The following CAST variants were observed in gnomAD, a reference collection of about 807,000 sequenced individuals.
The protein encoded by CAST is MIR583 host.
In CAST, 76 loss-of-function variants were observed where a neutral mutation model predicts 119.6. The observed-to-expected ratio is 0.64, with a 90% CI of 0.53 to 0.77. The LOEUF is 0.77. Ranked by LOEUF, CAST falls within the 30% of genes least tolerant of loss-of-function variation. The probability of loss-of-function intolerance (pLI) is 0.00; values close to 1 mark genes in which losing one functional copy is unlikely to be tolerated. For missense variants in CAST, 953 were observed against 946.5 expected, an observed-to-expected ratio of 1.01 and a Z score of -0.09; for synonymous variants, 319 against 331.6, an observed-to-expected ratio of 0.96 and a Z score of 0.41.
chr5:96,764,102 C>T (rs887390257), intron 25 of CAST, among the ~76,000 whole-genome samples: 5 of 152,092 alleles, frequency 3.3e-5, no homozygotes, highest in African/African-American at 9.7e-5. Context: ...GTGTCTTATA[C>T]AATGTAGATA....
chr5:96,399,189 A>G, the CAST span, among the ~76,000 whole-genome samples: 242 of 152,364 alleles, frequency 1.6e-3, no homozygotes, highest in Non-Finnish European at 2.3e-3. Flanking sequence ...TTATGTATAC[A>G]TGAATTTTAA....
chr5:96,514,624 C>A, the CAST span, among the ~76,000 whole-genome samples: 1 of 152,104 alleles, frequency 6.6e-6, no homozygotes, highest in South Asian at 2.1e-4. Flanking sequence ...TAACCCCCAC[C>A]CTTAACCCAG....
chr5:96,460,686 T>C, the CAST span, among the ~76,000 whole-genome samples: 1 of 152,142 alleles, frequency 6.6e-6, no homozygotes, highest in Non-Finnish European at 1.5e-5. Context: ...GAAGAAATCA[T>C]GCTTGCATAA....
the CAST span, among the ~76,000 whole-genome samples, chr5:96,466,263 T>C: frequency 0.34 from 52,362 of 151,950 alleles, 9,302 homozygotes; most frequent in Middle Eastern, 0.45. Flanking sequence ...ACTGGGATTA[T>C]ATTGTTGATT....
chr5:96,517,396 C>T, the CAST span, among the ~76,000 whole-genome samples: 1,057 of 152,172 alleles, frequency 6.9e-3, 23 homozygotes, highest in African/African-American at 0.024. Flanking sequence ...AATCAGGAGA[C>T]GTTTCAAATA....
chr5:96,103,147 AT>A, the CAST span, among the ~76,000 whole-genome samples: 1 of 152,122 alleles, frequency 6.6e-6, no homozygotes, highest in Non-Finnish European at 1.5e-5. Context: ...GGGCAGAAAT[AT>A]TTTCAGATAT....
chr5:96,748,294 A>G (rs1764206870), intron 18 of CAST, among the ~76,000 whole-genome samples: 1 of 152,166 alleles, frequency 6.6e-6, no homozygotes, highest in Non-Finnish European at 1.5e-5. Context: ...GACCAAATAA[A>G]CCATTAATAC....
chr5:96,235,211 A>T, the CAST span, among the ~76,000 whole-genome samples: 1 of 152,158 alleles, frequency 6.6e-6, no homozygotes, highest in Admixed American at 6.5e-5. Flanking sequence ...TTTCTAGTCT[A>T]AGTCTGCCTT....
the CAST span, among the ~76,000 whole-genome samples, chr5:96,347,443 C>G: frequency 9.9e-5 from 15 of 152,264 alleles, no homozygotes; most frequent in Non-Finnish European, 1.8e-4. Flanking sequence ...CAGGTGCACT[C>G]CTGTTCAAAG....
chr5:96,757,166 C>T (rs1366179802), intron 22 of CAST, among the ~76,000 whole-genome samples: 1 of 152,176 alleles, frequency 6.6e-6, no homozygotes, highest in Non-Finnish European at 1.5e-5. Flanking sequence ...TCACGTTTTC[C>T]TGCTGTGATA....
the CAST span, among the ~76,000 whole-genome samples, chr5:96,513,071 T>G: frequency 6.6e-6 from 1 of 152,222 alleles, no homozygotes; most frequent in Non-Finnish European, 1.5e-5. Context: ...ATCACTCATT[T>G]GGGTCCTGAT....
intron 9 of CAST, 125 bp from the exon 10 acceptor site, chr5:96,736,047 C>A: frequency 1.6e-6 from 1 of 615,674 alleles, no homozygotes; most frequent in Non-Finnish European, 2.8e-6. Flanking sequence ...ACAGTTTCTG[C>A]TGTAGAGCGG....
chr5:96,723,567 T>A (rs993700628), intron 4 of CAST, among the ~76,000 whole-genome samples: 4 of 152,200 alleles, frequency 2.6e-5, no homozygotes, highest in African/African-American at 9.6e-5. Flanking sequence ...TTCTTAAAAT[T>A]ATTTTTTTGA....
the CAST span, chr5:95,986,132 C>T: frequency 6.6e-6 from 1 of 152,210 alleles, no homozygotes; most frequent in South Asian, 2.1e-4. Context: ...CACTTGCCAA[C>T]AGAGTAGATG....
At chr5:96,701,762 G>A (rs904000328) in intron 3 of CAST, among the ~76,000 whole-genome samples, 2 of 150,894 alleles carry the variant, frequency 1.3e-5, no homozygotes, top group Non-Finnish European at 2.9e-5. Context: ...CTGAGATCAC[G>A]TGACTGCACT....
the CAST span, among the ~76,000 whole-genome samples, chr5:96,324,533 T>C: frequency 1.1e-4 from 17 of 152,340 alleles, no homozygotes; most frequent in Admixed American, 2.6e-4. Context: ...TCTTTAGTCT[T>C]TAAAATAGAA....
chr5:96,269,216 A>C, the CAST span, among the ~76,000 whole-genome samples: 1 of 152,226 alleles, frequency 6.6e-6, no homozygotes, highest in Non-Finnish European at 1.5e-5. Context: ...AAAAGAGACA[A>C]GGAAAATCAT....
At chr5:96,421,504 T>A in the CAST span, among the ~76,000 whole-genome samples, 2 of 152,218 alleles carry the variant, frequency 1.3e-5, no homozygotes, top group Non-Finnish European at 2.9e-5. Flanking sequence ...TTACATATAT[T>A]TCTTTTCATG....
At chr5:96,196,625 C>T in the CAST span, among the ~76,000 whole-genome samples, 19,253 of 152,066 alleles carry the variant, frequency 0.13, 1,664 homozygotes, top group African/African-American at 0.22. Flanking sequence ...AGTGCAAAGG[C>T]CCTGAGGCAG....
Sources: gnomAD v4.1 joint callset for allele counts (sites outside exome capture counted in the v4.1 genomes callset) on GRCh38, gnomAD v4.1.1 for gene constraint, MANE v1.5 for transcripts, NCBI Gene and HGNC (gene_info 2026-07-23, HGNC 2026-07-21) for gene names.